Variants in DDX39B observed in about 807,000 individuals in gnomAD.
The protein encoded by DDX39B is spliceosome RNA helicase DDX39B.
In DDX39B, 6 loss-of-function variants were observed where a neutral mutation model predicts 46.4. The ratio of observed to expected loss-of-function variants is 0.13; its 90% CI spans 0.07 to 0.26. DDX39B has a LOEUF of 0.26. Among genes scored for constraint, DDX39B ranks in the 10% least tolerant of loss-of-function variants. The pLI is 1.00. For missense variants in DDX39B, 185 were observed against 553.4 expected (o/e 0.33, Z 6.68); for synonymous variants, 174 against 199.4 (o/e 0.87, Z 1.07).
At chr6:31,539,330 C>A in intron 2 of DDX39B, 56 bp from the exon 3 acceptor site, 1 of 1,583,580 alleles carries the variant, frequency 6.3e-7, no homozygotes, top group African/African-American at 1.3e-5. Context: ...GATAACTCTA[C>A]CTTTTTCACC....
chr6:31,531,430 C>G lies in DDX39B; in HGVS notation c.868-25G>C, dbSNP rs779468871. ...CCTGTTGTGGGGTGGGGTGGGGGGT[C>G]GCAAATTGGGGGAATAGGGGTCCAT... On this transcript the variant is annotated intron_variant, in intron 7 of 10. Coordinates refer to ENST00000396172, the MANE Select transcript of DDX39B (RefSeq NM_004640.7). This position sits in a 1 kb window ranked among gnomAD's most constrained non-coding sequence, Gnocchi z 5.8. 1.2e-6 allele frequency: 2 copies of G among 1,610,360 alleles called. No individual in the cohort carries two copies. The highest frequency in any genetic ancestry group is 2.2e-5 in the South Asian group (2 of 90,938).
rs756778715 is a variant in DDX39B, at chr6:31,531,210, G to A, written c.978-13C>T. 1 of 1,614,070 alleles carries A rather than the reference G, an allele frequency of 6.2e-7. No homozygotes were observed. The highest frequency in any genetic ancestry group is 8.5e-7 in the Non-Finnish European group (1 of 1,179,988). On this transcript the variant is annotated splice_polypyrimidine_tract_variant and intron_variant, in intron 8 of 10. Transcript: ENST00000396172. This position sits in a 1 kb window ranked among gnomAD's most constrained non-coding sequence, Gnocchi z 5.8. ...ATACCGAGAAAGCCTTTGTGAGAAAGGAAATTTAAAACATGTTGAGATTCC... is the reference window on the plus strand; with the variant it reads ...ATACCGAGAAAGCCTTTGTGAGAAAAGAAATTTAAAACATGTTGAGATTCC...
intron 1 of DDX39B, chr6:31,541,180 G>A (rs1019417059): frequency 3.7e-6 from 2 of 533,500 alleles, no homozygotes; most frequent in Admixed American, 1.9e-5. Context: ...TCATATGGCC[G>A]CCGTCCACCT....
At chr6:31,539,058 C>T in intron 3 of DDX39B, 89 bp downstream of exon 3, 1 of 1,608,050 alleles carries the variant, frequency 6.2e-7, no homozygotes, top group African/African-American at 1.3e-5. Flanking sequence ...GTGCTCATGG[C>T]TCTGCAAGCA....
chr6:31,536,714 C>T, intron 4 of DDX39B, 31 bp from the exon 5 acceptor site: 5 of 1,607,536 alleles, frequency 3.1e-6, no homozygotes, highest in Non-Finnish European at 3.4e-6. Context: ...AGTCTCAAAA[C>T]AGAGGAAGGA....
rs143256702 is a variant in DDX39B, at chr6:31,536,211, G to C, written c.616+289C>G. Reference sequence around the variant, plus strand: ...TTTAGAATCTCCGCTATGACTCCCAGTATATGAATCTATAATGAAAACGGT... The same window carrying C: ...TTTAGAATCTCCGCTATGACTCCCACTATATGAATCTATAATGAAAACGGT... On this transcript the variant is annotated intron_variant, in intron 5 of 10. Transcript: ENST00000396172. Among the ~76,000 whole-genome samples, 81 of 152,282 alleles carry C rather than the reference G, an allele frequency of 5.3e-4. 3 individuals carry two copies. The East Asian group carries it at 0.015, about 29-fold the overall frequency.
rs893026490 is a variant in DDX39B, at chr6:31,540,782, A to T, written c.-132-118T>A. On this transcript the variant is annotated intron_variant, in intron 1 of 10. Transcript: ENST00000396172. ...GAAACTTTTACCTGGAAAGAAAAAC[A>T]GATACAAAACATAAAAACGAAAAGC... 3 of 569,322 alleles carry T rather than the reference A, an allele frequency of 5.3e-6. No individual in the cohort carries two copies. In the African/African-American group the frequency reaches 5.6e-5, roughly 11 times the overall value. 35.3% of individuals were successfully genotyped at this position (569,322 alleles called of 1,614,324 possible). A position where few individuals can be genotyped will look rare whatever the true frequency, so the allele number is the denominator to read the frequency against.
At position 31,535,570 on chromosome 6, in the gene DDX39B, A is replaced by T; in HGVS notation, c.617-85T>A. On this transcript the variant is annotated intron_variant, in intron 5 of 10. Transcript: ENST00000396172. This position sits in a 1 kb window ranked among gnomAD's most constrained non-coding sequence, Gnocchi z 4.6. ...AGAGGTAGACTTCCCAGTGAGGTGA[A>T]GATTGCTGGAAATAGTAACAACACA... The T allele has an allele frequency of 9.7e-7, 1 of 1,026,252 alleles. No homozygotes were observed. Among genetic ancestry groups the T allele is most frequent in the South Asian group, 1.4e-5 (1 of 70,344 alleles). 63.6% of individuals were successfully genotyped at this position (1,026,252 alleles called of 1,614,324 possible). A position where few individuals can be genotyped will look rare whatever the true frequency, so the allele number is the denominator to read the frequency against.
At position 31,530,756 on chromosome 6, in the gene DDX39B, G is replaced by A; in HGVS notation, c.1270+23C>T. Reference sequence around the variant, plus strand: ...ACTAAGGAACAGGGAGGACCTAAAGGGTTTCATGAGATCAGTACTCACTGT... The same window carrying A: ...ACTAAGGAACAGGGAGGACCTAAAGAGTTTCATGAGATCAGTACTCACTGT... On this transcript the variant is annotated intron_variant, in intron 10 of 10. Transcript: ENST00000396172. This position sits in a 1 kb window ranked among gnomAD's most constrained non-coding sequence, Gnocchi z 4.5. 1 of 1,607,986 alleles carries A rather than the reference G, an allele frequency of 6.2e-7. No homozygotes were observed. The highest frequency in any genetic ancestry group is 8.5e-7 in the Non-Finnish European group (1 of 1,178,652).
intron 4 of DDX39B, among the ~76,000 whole-genome samples, chr6:31,537,957 C>T (rs1582955854): frequency 6.6e-6 from 1 of 152,030 alleles, no homozygotes; most frequent in South Asian, 2.1e-4. Context: ...ATCGCTTGAA[C>T]GTGGGAGGCG....
intron 3 of DDX39B, 97 bp downstream of exon 3, chr6:31,539,050 G>T: frequency 6.2e-7 from 1 of 1,600,948 alleles, no homozygotes; most frequent in Non-Finnish European, 8.6e-7. Flanking sequence ...GAGGTCATGT[G>T]CTCATGGCTC....
chr6:31,541,888 G>A, intron 1 of DDX39B, 62 bp downstream of exon 1: 1 of 634,484 alleles, frequency 1.6e-6, no homozygotes, highest in South Asian at 1.8e-5. Flanking sequence ...AGGAACCCAT[G>A]TGACGGGATG....
chr6:31,536,416 G>A, intron 5 of DDX39B, 84 bp downstream of exon 5: 2 of 1,588,372 alleles, frequency 1.3e-6, no homozygotes, highest in Non-Finnish European at 1.7e-6. Context: ...TCCTTGCACT[G>A]AGGTGCTCCT....
At position 31,535,847 on chromosome 6, in the gene DDX39B, C is replaced by T. The variant is rs1022320516; in HGVS notation, c.617-362G>A. Among the ~76,000 whole-genome samples, 3 of 152,148 alleles carry T rather than the reference C, an allele frequency of 2.0e-5. No individual in the cohort carries two copies. The highest frequency in any genetic ancestry group is 7.2e-5 in the African/African-American group (3 of 41,432). ...CATATTATATTCCAGATATCAGAGT[C>T]CATCTATGACTCTCTGGATTACTTT... On this transcript the variant is annotated intron_variant, in intron 5 of 10. Coordinates refer to ENST00000396172, the MANE Select transcript of DDX39B (RefSeq NM_004640.7). The surrounding 1 kb of genome is among the most constrained non-coding windows in gnomAD (Gnocchi z 4.6).
Position 31,534,610 on chromosome 6 carries a change from G to T in DDX39B, c.735+757C>A. The T allele has an allele frequency of 2.5e-6, 1 of 407,076 alleles. No homozygotes were observed. Among genetic ancestry groups the T allele is most frequent in the South Asian group, 1.8e-5 (1 of 55,070 alleles). The allele number at this position is 407,076 out of a possible 1,614,324, so 25.2% of individuals were successfully genotyped here. Reference sequence around the variant, plus strand: ...TATTGGGGGAAACGGGGCACGGCACGCGTTGGGTTCAGGAAAAAAACCGGG... The same window carrying T: ...TATTGGGGGAAACGGGGCACGGCACTCGTTGGGTTCAGGAAAAAAACCGGG... On this transcript the variant is annotated intron_variant, in intron 6 of 10. Coordinates refer to ENST00000396172, the MANE Select transcript of DDX39B (RefSeq NM_004640.7). This position sits in a 1 kb window ranked among gnomAD's most constrained non-coding sequence, Gnocchi z 5.1.
At position 31,531,190 on chromosome 6, in the gene DDX39B, G is replaced by T; in HGVS notation, c.985C>A (p.Arg329=). 6.2e-7 allele frequency: 1 copy of T among 1,614,200 alleles called. No individual in the cohort carries two copies. The highest frequency in any genetic ancestry group is 8.5e-7 in the Non-Finnish European group (1 of 1,180,048). Residue 329 remains arginine (R), a synonymous_variant, in exon 9 of 11, where the codon CGG becomes AGG. Coordinates refer to ENST00000396172, the MANE Select transcript of DDX39B (RefSeq NM_004640.7). The surrounding 1 kb of genome is among the most constrained non-coding windows in gnomAD (Gnocchi z 5.8). Reference sequence around the variant, plus strand: ...TGAAAATCTTTAAACTGCTGATACCGAGAAAGCCTTTGTGAGAAAGGAAAT... The same window carrying T: ...TGAAAATCTTTAAACTGCTGATACCTAGAAAGCCTTTGTGAGAAAGGAAAT... ...RGMPQEERLS[R]YQQFKDFQRR...
At chr6:31,532,226 A>C (rs931345864) in intron 7 of DDX39B, among the ~76,000 whole-genome samples, 4 of 152,148 alleles carry the variant, frequency 2.6e-5, no homozygotes, top group Non-Finnish European at 4.4e-5. Flanking sequence ...AAGACTTTTA[A>C]CAACTTCCTA....
chr6:31,541,511 G>C (rs1299572576), intron 1 of DDX39B: 1 of 398,438 alleles, frequency 2.5e-6, no homozygotes, highest in African/African-American at 2.1e-5. Context: ...AGTTGGGCAA[G>C]TCAAGGTGAG....
chr6:31,533,446 C>T, intron 6 of DDX39B: 1 of 157,910 alleles, frequency 6.3e-6, no homozygotes, highest in Non-Finnish European at 1.4e-5. Context: ...GATCAGAATG[C>T]TGCAATGGAC....
Sources: gnomAD v4.1 joint callset for allele counts (sites outside exome capture counted in the v4.1 genomes callset) on GRCh38, gnomAD v4.1.1 for gene constraint, Gnocchi (gnomAD v3.1) non-coding constraint, MANE v1.5 for transcripts, NCBI Gene and HGNC (gene_info 2026-07-23, HGNC 2026-07-21) for gene names.